The following TRPV4 variants were observed in gnomAD, a reference collection of about 807,000 sequenced individuals.
The protein encoded by TRPV4 is OSM9-like transient receptor potential channel 4.
A neutral mutation model predicts 84.1 loss-of-function variants in TRPV4; 58 were observed. That is an observed-to-expected ratio of 0.69 (90% CI 0.56 to 0.86). TRPV4 has a LOEUF of 0.86. Among genes scored for constraint, TRPV4 ranks in the 40% least tolerant of loss-of-function variants. The pLI is 0.00. For missense variants in TRPV4, 879 were observed against 1,181.1 expected, an observed-to-expected ratio of 0.74 and a Z score of 3.75; for synonymous variants, 489 against 500.9, an observed-to-expected ratio of 0.98 and a Z score of 0.32.
At chr12:109,826,056 C>A (rs1163943567) in intron 1 of TRPV4, among the ~76,000 whole-genome samples, 1 of 152,172 alleles carries the variant, frequency 6.6e-6, no homozygotes, top group Non-Finnish European at 1.5e-5. Flanking sequence ...CAGGGTATGG[C>A]TTTGTCACCC....
intron 1 of TRPV4, among the ~76,000 whole-genome samples, chr12:109,817,068 T>C (rs1891883326): frequency 6.6e-6 from 1 of 152,148 alleles, no homozygotes; most frequent in African/African-American, 2.4e-5. Context: ...CAGCACCTAG[T>C]AGGACCTCTG....
At chr12:109,819,724 A>G (rs10744893) in intron 1 of TRPV4, among the ~76,000 whole-genome samples, 44,625 of 151,996 alleles carry the variant, frequency 0.29, 7,127 homozygotes, top group East Asian at 0.7. Flanking sequence ...ACTACCACTC[A>G]GCTAATTTTT....
chr12:109,832,943 C>G (rs1031544659), intron 1 of TRPV4, among the ~76,000 whole-genome samples: 1 of 152,144 alleles, frequency 6.6e-6, no homozygotes, highest in African/African-American at 2.4e-5. Flanking sequence ...AAGCTCCAGA[C>G]TCCAAATTCC....
Position 109,820,516 on chromosome 12 carries a change from A to ATTTTTTTTTTTTTTTTT in TRPV4, c.-31-5706_-31-5690dup, listed in dbSNP as rs1166251387. Among the ~76,000 whole-genome samples, 6 of 92,388 alleles carry ATTTTTTTTTTTTTTTTT rather than the reference A, an allele frequency of 6.5e-5. 1 individual carries two copies. Among genetic ancestry groups the ATTTTTTTTTTTTTTTTT allele is most frequent in the African/African-American group, 3.0e-4 (6 of 20,058 alleles). 60.6% of individuals were successfully genotyped at this position (92,388 alleles called of 152,430 possible). A position where few individuals can be genotyped will look rare whatever the true frequency, so the allele number is the denominator to read the frequency against. ...GATCTTCACTTTCTTCAGCTGCCCT[A>ATTTTTTTTTTTTTTTTT]TTTTTTTTTTTTTTTTTTTTTTTTT... On this transcript the variant is annotated intron_variant, in intron 1 of 15. Coordinates refer to ENST00000261740, the MANE Select transcript of TRPV4 (RefSeq NM_021625.5).
intron 10 of TRPV4, 52 bp from the exon 11 acceptor site, chr12:109,792,869 A>G (rs1448462383): frequency 6.3e-7 from 1 of 1,596,356 alleles, no homozygotes; most frequent in Admixed American, 1.7e-5. Flanking sequence ...GGGGACAATG[A>G]GGCTCTGGAG....
chr12:109,825,627 T>C (rs1331406599), intron 1 of TRPV4, among the ~76,000 whole-genome samples: 1 of 152,098 alleles, frequency 6.6e-6, no homozygotes, highest in Non-Finnish European at 1.5e-5. Flanking sequence ...CGCCACCTCA[T>C]TTCCATCTTC....
In TRPV4 at chr12:109,831,380, A is replaced by G. The variant is rs868278443; in HGVS notation, c.-32+1970T>C. Among the ~76,000 whole-genome samples the G allele has an allele frequency of 2.6e-5, 4 of 152,134 alleles. No homozygotes were observed. In the South Asian group the frequency reaches 8.3e-4, roughly 31 times the overall value. ...TCTCCCCTGACCCCATCCATTCCAC[A>G]GCATACATTTACTAAGCGTCGGCCA... On this transcript the variant is annotated intron_variant, in intron 1 of 15. Transcript: ENST00000261740.
At chr12:109,799,263 G>A (rs568227886) in intron 5 of TRPV4, among the ~76,000 whole-genome samples, 1 of 151,006 alleles carries the variant, frequency 6.6e-6, no homozygotes, top group Non-Finnish European at 1.5e-5. Flanking sequence ...AGCAGTTCTT[G>A]TGCCTCAGCC....
rs964300686 is a variant in TRPV4, at chr12:109,813,975, GGATGGAT to G, written c.386+429_386+435del. ...ATGATGTATAAATGAATAGATGAAT[GGATGGAT>G]GATGGATGATGGATGGTTGGATAGA... is the stretch of plus-strand genomic sequence containing the variant. On this transcript the variant is annotated intron_variant, in intron 2 of 15. Transcript: ENST00000261740. 5.3e-5 allele frequency among the ~76,000 whole-genome samples: 8 copies of G among 152,030 alleles called. No homozygotes were observed. In the East Asian group the frequency reaches 7.8e-4, roughly 15 times the overall value.
intron 4 of TRPV4, among the ~76,000 whole-genome samples, chr12:109,801,408 G>A (rs1890775342): frequency 6.6e-6 from 1 of 152,180 alleles, no homozygotes; most frequent in South Asian, 2.1e-4. Flanking sequence ...GATAGTGAGT[G>A]AGTCCTCAAG....
rs1890212290 is a variant in TRPV4 at position 109,793,974 on chromosome 12, C to T, written c.1540G>A (p.Glu514Lys). Reference protein sequence around the residue: ...TTVDYLRLAGEVITLFTGVLF... With the variant: ...TTVDYLRLAGKVITLFTGVLF... Reference sequence around the variant, plus strand: ...ACCCCAGTGAAGAGCGTAATGACCTCGCCAGCCAGCCGCAGGTAGTCCACC... The same window carrying T: ...ACCCCAGTGAAGAGCGTAATGACCTTGCCAGCCAGCCGCAGGTAGTCCACC... The change falls in exon 9 of 16, where the codon GAG (glutamate) becomes AAG (lysine). Residue 514 changes from glutamate to lysine, a missense_variant. Physicochemically the swap from Glu to Lys is moderately conservative, Grantham distance 56. Around this residue, in one of 4 missense-constraint regions of TRPV4, gnomAD observed 521 missense variants for 686.6 expected, o/e 0.76. Coordinates refer to ENST00000261740, the MANE Select transcript of TRPV4 (RefSeq NM_021625.5). This position sits in a 1 kb window ranked among gnomAD's most constrained non-coding sequence, Gnocchi z 4.0. 1.2e-6 allele frequency: 2 copies of T among 1,610,346 alleles called. No individual in the cohort carries two copies. Among genetic ancestry groups the T allele is most frequent in the Non-Finnish European group, 1.7e-6 (2 of 1,179,138 alleles).
At chr12:109,794,846 T>C (rs547171795) in intron 7 of TRPV4, among the ~76,000 whole-genome samples, 85 of 152,240 alleles carry the variant, frequency 5.6e-4, no homozygotes, top group Admixed American at 9.8e-4. Context: ...GGTGAAACCC[T>C]GTCTCCACTA....
Position 109,788,435 on chromosome 12 carries a change from C to T in TRPV4, c.2173G>A (p.Val725Ile). The T allele has an allele frequency of 6.2e-7, 1 of 1,614,208 alleles. No individual in the cohort carries two copies. The highest frequency in any genetic ancestry group is 8.5e-7 in the Non-Finnish European group (1 of 1,180,032). Residue 725 changes from valine (V) to isoleucine (I), a missense_variant, in exon 13 of 16, where the codon GTC (valine) becomes ATC (isoleucine). Val to Ile is a conservative substitution (Grantham distance 29). Around this residue, in one of 4 missense-constraint regions of TRPV4, gnomAD observed 242 missense variants for 355.3 expected, o/e 0.68. Transcript: ENST00000261740. ...CAGATGTGCTTGCTCTCCTTGGAGA[C>T]CTGGCCCACTGTCTCGCCCATGAGG... ...IALMGETVGQVSKESKHIWKL... is the reference protein window; with the variant it reads ...IALMGETVGQISKESKHIWKL...
chr12:109,814,870 G>T lies in TRPV4; in HGVS notation c.-31-43C>A, dbSNP rs1014510871. On this transcript the variant is annotated intron_variant, in intron 1 of 15. Coordinates refer to ENST00000261740, the MANE Select transcript of TRPV4 (RefSeq NM_021625.5). The surrounding 1 kb of genome is among the most constrained non-coding windows in gnomAD (Gnocchi z 5.4). The stretch of plus-strand genomic sequence containing the variant: ...GGGAGTCAGGCAGAACCCGGCCAGG[G>T]GCGGGGGCTCCAGGAAGCCCCCTCC... The T allele has an allele frequency of 1.2e-5, 18 of 1,521,888 alleles. No homozygotes were observed. In the South Asian group the frequency reaches 1.9e-4, roughly 16 times the overall value. The allele number at this position is 1,521,888 out of a possible 1,614,324, so 94.3% of individuals were successfully genotyped here.
In TRPV4 at chr12:109,796,657, C is replaced by A; in HGVS notation, c.1200G>T (p.Arg400=). The A allele has an allele frequency of 6.2e-7, 1 of 1,614,094 alleles. No homozygotes were observed. The highest frequency in any genetic ancestry group is 8.5e-7 in the Non-Finnish European group (1 of 1,179,960). Reference sequence around the variant, plus strand: ...AGTCCTTGAACTTGCGGGACAGGTGCCGTGTGTCCTCATCCGTCACCTCCC... The same window carrying A: ...AGTCCTTGAACTTGCGGGACAGGTGACGTGTGTCCTCATCCGTCACCTCCC... ...IRREVTDEDT[R]HLSRKFKDWA... is the part of the protein sequence containing the mutation. The change falls in exon 7 of 16, where the codon CGG becomes CGT. Residue 400 remains arginine (R), a synonymous_variant. Coordinates refer to ENST00000261740, the MANE Select transcript of TRPV4 (RefSeq NM_021625.5). This position sits in a 1 kb window ranked among gnomAD's most constrained non-coding sequence, Gnocchi z 4.2.
Position 109,783,539 on chromosome 12 carries a change from G to C in TRPV4, c.*82C>G, listed in dbSNP as rs1047531493. 26 of 1,539,618 alleles carry C rather than the reference G, an allele frequency of 1.7e-5. No homozygotes were observed. Among genetic ancestry groups the C allele is most frequent in the Non-Finnish European group, 2.3e-5 (26 of 1,135,820 alleles). ...GCCTCTGGGGCCAAAGCAGGGTGTGGGGGGACACCCCAGAAGGCACTGCTG... is the reference window on the plus strand; with the variant it reads ...GCCTCTGGGGCCAAAGCAGGGTGTGCGGGGACACCCCAGAAGGCACTGCTG... On this transcript the variant is annotated 3_prime_UTR_variant, in exon 16 of 16. Transcript: ENST00000261740. This position sits in a 1 kb window ranked among gnomAD's most constrained non-coding sequence, Gnocchi z 4.6.
intron 2 of TRPV4, among the ~76,000 whole-genome samples, chr12:109,812,768 G>C (rs548902618): frequency 1.3e-5 from 2 of 152,206 alleles, no homozygotes; most frequent in Non-Finnish European, 2.9e-5. Context: ...ACTAGAAACA[G>C]TGGGTAGGTG....
At position 109,784,264 on chromosome 12, in the gene TRPV4, T is replaced by C. The variant is rs1592813214; in HGVS notation, c.2458+52A>G. ...AAGAAGCAGGACTGCTCAAAGCAAA[T>C]TCGTGATGAGAATGGACTGGGGCTC... On this transcript the variant is annotated intron_variant, in intron 15 of 15. Coordinates refer to ENST00000261740, the MANE Select transcript of TRPV4 (RefSeq NM_021625.5). The C allele has an allele frequency of 2.5e-6, 4 of 1,613,398 alleles. No homozygotes were observed. In the South Asian group the frequency reaches 4.4e-5, roughly 18 times the overall value.
intron 1 of TRPV4, among the ~76,000 whole-genome samples, chr12:109,828,961 G>A (rs1029619174): frequency 3.9e-5 from 6 of 152,146 alleles, no homozygotes; most frequent in Non-Finnish European, 1.5e-5. Context: ...AAGGCAGGAG[G>A]GTTACTTGAG....
Sources: allele counts gnomAD v4.1 joint callset (sites outside exome capture counted in the v4.1 genomes callset), GRCh38; gene constraint gnomAD v4.1.1; regional missense constraint gnomAD v4.1.1; non-coding constraint Gnocchi (gnomAD v3.1); transcripts MANE v1.5; gene names NCBI Gene and HGNC (gene_info 2026-07-23, HGNC 2026-07-21).